HCN4: variants seen among roughly 807,000 people sequenced by gnomAD.
The protein encoded by HCN4 is hyperpolarization activated cyclic nucleotide gated potassium channel 4, also known as potassium/sodium hyperpolarization-activated cyclic nucleotide-gated channel 4.
Under a neutral mutation model 76.9 loss-of-function variants are expected in HCN4, and 29 were observed. That is an observed-to-expected ratio of 0.38 (90% CI 0.28 to 0.51). HCN4 has a LOEUF of 0.51. Among genes scored for constraint, HCN4 ranks in the 20% least tolerant of loss-of-function variants. The probability of loss-of-function intolerance (pLI) is 0.90; values close to 1 mark genes in which losing one functional copy is unlikely to be tolerated. For synonymous variants in HCN4, 772 were observed against 762.5 expected (o/e 1.01, Z -0.21); for missense variants, 1,416 against 1,715.2 (o/e 0.83, Z 3.08).
In HCN4 at chr15:73,343,940, A is replaced by C; in HGVS notation, c.786-132T>G. 2 of 878,300 alleles carry C rather than the reference A, an allele frequency of 2.3e-6. No homozygotes were observed. The allele number at this position is 878,300 out of a possible 1,614,324, so 54.4% of individuals were successfully genotyped here. ...GGTTCTGAGACAGGAAGACAGGCAC[A>C]TGGGTACCAGGGCAAGATGTGGAGA... On this transcript the variant is annotated intron_variant, in intron 1 of 7. Coordinates refer to ENST00000261917, the MANE Select transcript of HCN4 (RefSeq NM_005477.3). This position sits in a 1 kb window ranked among gnomAD's most constrained non-coding sequence, Gnocchi z 5.7.
rs2042895275 is a variant in HCN4 at position 73,325,751 on chromosome 15, C to G, written c.1591-307G>C. On this transcript the variant is annotated intron_variant, in intron 4 of 7. Coordinates refer to ENST00000261917, the MANE Select transcript of HCN4 (RefSeq NM_005477.3). The surrounding 1 kb of genome is among the most constrained non-coding windows in gnomAD (Gnocchi z 7.4). ...CCAAAGCCCAGTGACAGGACATCAA[C>G]TGTATCTCCAGGGAGGTCGATCACA... 1.3e-5 allele frequency among the ~76,000 whole-genome samples: 2 copies of G among 152,218 alleles called. No homozygotes were observed. Among genetic ancestry groups the G allele is most frequent in the African/African-American group, 4.8e-5 (2 of 41,450 alleles).
At chr15:73,361,525 C>T (rs1239597123) in intron 1 of HCN4, among the ~76,000 whole-genome samples, 6 of 152,330 alleles carry the variant, frequency 3.9e-5, no homozygotes, top group Admixed American at 6.5e-5. Context: ...AACTGGCAGT[C>T]GCAGCTTTGT....
In HCN4 at chr15:73,368,562, G is replaced by A. The variant is rs1173707688; in HGVS notation, c.-292C>T. The A allele has an allele frequency of 1.3e-5, 3 of 231,110 alleles. No individual in the cohort carries two copies. Among genetic ancestry groups the A allele is most frequent in the Non-Finnish European group, 1.7e-5 (2 of 119,254 alleles). 14.3% of individuals were successfully genotyped at this position (231,110 alleles called of 1,614,324 possible). On this transcript the variant is annotated 5_prime_UTR_variant, in exon 1 of 8. Transcript: ENST00000261917. The surrounding 1 kb of genome is among the most constrained non-coding windows in gnomAD (Gnocchi z 6.9). ...TCCCTCTGGCGTTCAGGGGCGCGGC[G>A]CGCCGCCCGGCTCCAGGCGCCCCGC...
In HCN4 at chr15:73,368,428, C is replaced by G; in HGVS notation, c.-158G>C. On this transcript the variant is annotated 5_prime_UTR_variant, in exon 1 of 8. Transcript: ENST00000261917. This position sits in a 1 kb window ranked among gnomAD's most constrained non-coding sequence, Gnocchi z 6.9. ...GCCCATGCTTGGGCAGGCTGCGCGC[C>G]GCGGGGAGGATCCTAGTCCCGCTCC... is the stretch of plus-strand genomic sequence containing the variant. The G allele has an allele frequency of 2.3e-6, 1 of 441,944 alleles. No individual in the cohort carries two copies. Among genetic ancestry groups the G allele is most frequent in the Non-Finnish European group, 3.8e-6 (1 of 264,242 alleles). The allele number at this position is 441,944 out of a possible 1,614,324, so 27.4% of individuals were successfully genotyped here. A position where few individuals can be genotyped will look rare whatever the true frequency, so the allele number is the denominator to read the frequency against.
chr15:73,347,777 T>C (rs943466020), intron 1 of HCN4, among the ~76,000 whole-genome samples: 1 of 152,110 alleles, frequency 6.6e-6, no homozygotes, highest in Non-Finnish European at 1.5e-5. Flanking sequence ...TCAGATATCC[T>C]GGAGTTGGCA....
intron 3 of HCN4, among the ~76,000 whole-genome samples, chr15:73,330,699 C>G (rs2042927588): frequency 6.6e-6 from 1 of 152,212 alleles, no homozygotes; most frequent in African/African-American, 2.4e-5. Flanking sequence ...AGGCCCAGCC[C>G]CCAGGGGAAG....
At chr15:73,351,138 G>A (rs889824968) in intron 1 of HCN4, among the ~76,000 whole-genome samples, 12 of 152,156 alleles carry the variant, frequency 7.9e-5, no homozygotes, top group South Asian at 2.1e-4. Context: ...CTCCTCCTTG[G>A]CTTCCAAGGT....
intron 2 of HCN4, among the ~76,000 whole-genome samples, chr15:73,334,714 C>T (rs1489806636): frequency 6.6e-6 from 1 of 151,584 alleles, no homozygotes; most frequent in Non-Finnish European, 1.5e-5. Context: ...ACAAGCTAGA[C>T]ATCTGCCCCC....
At position 73,343,747 on chromosome 15, in the gene HCN4, C is replaced by T. The variant is rs1407190225; in HGVS notation, c.847G>A (p.Gly283Ser). ...TTCTCATCCTTGAAGAAGGTGATGC[C>T]CACAGGAATGATAATCAGGTTTCCC... ...MVGNLIIIPV[G>S]ITFFKDENTT... The change falls in exon 2 of 8, where the codon GGC becomes AGC. Residue 283 changes from glycine (G) to serine (S), a missense_variant. Coordinates refer to ENST00000261917, the MANE Select transcript of HCN4 (RefSeq NM_005477.3). The surrounding 1 kb of genome is among the most constrained non-coding windows in gnomAD (Gnocchi z 5.7). 3 of 1,613,886 alleles carry T rather than the reference C, an allele frequency of 1.9e-6. No homozygotes were observed. The highest frequency in any genetic ancestry group is 2.7e-5 in the African/African-American group (2 of 74,850).
chr15:73,334,799 G>A (rs1222206028), intron 2 of HCN4, among the ~76,000 whole-genome samples: 1 of 152,172 alleles, frequency 6.6e-6, no homozygotes, highest in Non-Finnish European at 1.5e-5. Context: ...ACGCAAGGGT[G>A]GGGCCATTAT....
At chr15:73,350,333 T>C (rs1431520817) in intron 1 of HCN4, among the ~76,000 whole-genome samples, 3 of 152,168 alleles carry the variant, frequency 2.0e-5, no homozygotes, top group Non-Finnish European at 2.9e-5. Flanking sequence ...ATCAACCCTT[T>C]TCATGTTCAC....
rs1163719040 is a variant in HCN4 at position 73,322,802 on chromosome 15, C to A, written c.3291G>T (p.Gly1097=). ...GGGAGGCTCTGCGGAGAGTCTGCGC[C>A]CCGTCCTGAGGCAGGGCTGGCTGAG... ...SASQPALPQD[G]AQTLRRASPH... The change falls in exon 8 of 8, where the codon GGG becomes GGT. Residue 1097 remains glycine (G), a synonymous_variant. Transcript: ENST00000261917. 1.9e-6 allele frequency: 3 copies of A among 1,542,108 alleles called. No individual in the cohort carries two copies. The highest frequency in any genetic ancestry group is 1.7e-6 in the Non-Finnish European group (2 of 1,144,198).
Position 73,323,489 on chromosome 15 carries a change from G to A in HCN4, c.2604C>T (p.Pro868=), listed in dbSNP as rs138773305. 150 of 1,603,940 alleles carry A rather than the reference G, an allele frequency of 9.4e-5. No individual in the cohort carries two copies. The highest frequency in any genetic ancestry group is 1.2e-4 in the African/African-American group (9 of 75,030). The change falls in exon 8 of 8, where the codon CCC becomes CCT. Residue 868 remains proline (P), a synonymous_variant. Transcript: ENST00000261917. The part of the protein sequence containing the change: ...HIQQLAGFSA[P]AGLSPLLPSS... ...AGGGCAGGAGTGGGCTCAGTCCAGC[G>A]GGGGCAGAGAATCCAGCCAGCTGTT...
intron 2 of HCN4, 118 bp from the exon 3 acceptor site, chr15:73,332,410 C>A: frequency 2.9e-6 from 3 of 1,024,282 alleles, no homozygotes; most frequent in Non-Finnish European, 4.5e-6. Flanking sequence ...CTGCAGGGCG[C>A]CCACTCAGTG....
At chr15:73,342,849 C>G (rs1008344065) in intron 2 of HCN4, among the ~76,000 whole-genome samples, 2 of 152,192 alleles carry the variant, frequency 1.3e-5, no homozygotes, top group African/African-American at 4.8e-5. Flanking sequence ...TCCCACTTGA[C>G]AAAAATTAGC....
In HCN4 at chr15:73,323,561, G is replaced by T. The variant is rs1352178394; in HGVS notation, c.2532C>A (p.Ser844Arg). 6.2e-7 allele frequency: 1 copy of T among 1,600,780 alleles called. No homozygotes were observed. The highest frequency in any genetic ancestry group is 1.1e-5 in the South Asian group (1 of 91,084). Residue 844 changes from serine to arginine, a missense_variant, in exon 8 of 8, where the codon AGC becomes AGA. Physicochemically the swap from Ser to Arg is moderately radical, Grantham distance 110. This residue lies in a region of HCN4 where 633 missense variants were observed against 579.8 expected (regional missense o/e 1.09). Transcript: ENST00000261917. The stretch of plus-strand genomic sequence containing the variant: ...ACGGTGTGTCCACCTGGGACGGGCT[G>T]CTGGCGGGCGAGGCGGAGCCCAGCG... ...PSALGSASPA[S>R]SPSQVDTPSS...
chr15:73,324,942 A>G lies in HCN4; in HGVS notation c.1978+13T>C, dbSNP rs1159827239. 6.2e-7 allele frequency: 1 copy of G among 1,613,762 alleles called. No homozygotes were observed. The highest frequency in any genetic ancestry group is 1.7e-4 in the Middle Eastern group (1 of 6,000). On this transcript the variant is annotated intron_variant, in intron 6 of 7. Transcript: ENST00000261917. Reference sequence around the variant, plus strand: ...GCAGCTGCCCTGTCCCCCAGGGCCCAGGGCTGCCTCACCTCCAAAGTAGGA... The same window carrying G: ...GCAGCTGCCCTGTCCCCCAGGGCCCGGGGCTGCCTCACCTCCAAAGTAGGA...
intron 1 of HCN4, among the ~76,000 whole-genome samples, chr15:73,363,097 C>A (rs2043112978): frequency 1.3e-5 from 2 of 152,228 alleles, no homozygotes; most frequent in South Asian, 2.1e-4. Flanking sequence ...CAACTAGGCA[C>A]CCTTCCCCCT....
chr15:73,336,135 C>A lies in HCN4; in HGVS notation c.1210-3843G>T, dbSNP rs564757327. 7.9e-5 allele frequency among the ~76,000 whole-genome samples: 12 copies of A among 152,230 alleles called. No individual in the cohort carries two copies. The South Asian group carries it at 2.3e-3, about 29-fold the overall frequency. ...GAGAGGCTGGTCCAGGCTCTGAGCA[C>A]CCCCAGCCCAGATGCTGCTGTGGGG... is the stretch of plus-strand genomic sequence containing the variant. On this transcript the variant is annotated intron_variant, in intron 2 of 7. Coordinates refer to ENST00000261917, the MANE Select transcript of HCN4 (RefSeq NM_005477.3).
Sources: gnomAD v4.1 joint callset for allele counts (sites outside exome capture counted in the v4.1 genomes callset) on GRCh38, gnomAD v4.1.1 for gene constraint, gnomAD v4.1.1 regional missense constraint, Gnocchi (gnomAD v3.1) non-coding constraint, MANE v1.5 for transcripts, NCBI Gene and HGNC (gene_info 2026-07-23, HGNC 2026-07-21) for gene names.